The following SYNE1 variants were observed in gnomAD, a reference collection of about 807,000 sequenced individuals.
SYNE1 encodes spectrin repeat containing nuclear envelope protein 1.
A neutral mutation model predicts 1,111.0 loss-of-function variants in SYNE1; 616 were observed. That is an observed-to-expected ratio of 0.55 (90% CI 0.52 to 0.59). The LOEUF (loss-of-function observed/expected upper bound fraction) is 0.59, where lower values mean the gene tolerates loss of function less well. SYNE1 is among the 20% of genes least tolerant of loss of function. The pLI is 0.00. For synonymous variants in SYNE1, 3,855 were observed against 3,825.8 expected, an observed-to-expected ratio of 1.01 and a Z score of -0.28; for missense variants, 10,006 against 10,417.0, an observed-to-expected ratio of 0.96 and a Z score of 1.72.
intron 128 of SYNE1, among the ~76,000 whole-genome samples, chr6:152,183,129 G>A (rs376529811): frequency 1.3e-5 from 2 of 152,286 alleles, no homozygotes; most frequent in East Asian, 3.9e-4. Context: ...TACCCCTCTA[G>A]CTCTGAGAGC....
At chr6:152,253,832 T>TTTTTTTGCAAA (rs2090103871) in intron 104 of SYNE1, among the ~76,000 whole-genome samples, 1 of 61,704 alleles carries the variant, frequency 1.6e-5, no homozygotes, top group Non-Finnish European at 2.8e-5. Flanking sequence ...TTTTTTTTTT[T>TTTTTTTGCAAA]TTTTTTTTTT....
At position 152,465,968 on chromosome 6, in the gene SYNE1, G is replaced by A. The variant is rs76417048; in HGVS notation, c.1729+14C>T. Reference sequence around the variant, plus strand: ...TGCAGTCTACGTTGCAACAAATTCTGTAGTATGTTTTACCTGAACCATCTG... The same window carrying A: ...TGCAGTCTACGTTGCAACAAATTCTATAGTATGTTTTACCTGAACCATCTG... On this transcript the variant is annotated intron_variant, in intron 17 of 145. Transcript: ENST00000367255. 241 of 1,583,214 alleles carry A rather than the reference G, an allele frequency of 1.5e-4. 1 individual carries two copies. The East Asian group carries it at 4.4e-3, about 29-fold the overall frequency.
At chr6:152,390,759 G>C (rs2097600944) in intron 52 of SYNE1, among the ~76,000 whole-genome samples, 1 of 152,278 alleles carries the variant, frequency 6.6e-6, no homozygotes, top group African/African-American at 2.4e-5. Context: ...AGACACATCT[G>C]TCTAAAACCC....
intron 53 of SYNE1, 105 bp downstream of exon 53, chr6:152,390,175 A>T (rs921877361): frequency 8.1e-7 from 1 of 1,231,182 alleles, no homozygotes; most frequent in Non-Finnish European, 1.2e-6. Context: ...TACAAGCTAC[A>T]GTAAAATGCT....
At chr6:152,288,173 C>T (rs2094429621) in intron 95 of SYNE1, among the ~76,000 whole-genome samples, 1 of 151,780 alleles carries the variant, frequency 6.6e-6, no homozygotes, top group Non-Finnish European at 1.5e-5. Context: ...AGAAGAGCCT[C>T]CTAACAATTT....
intron 54 of SYNE1, among the ~76,000 whole-genome samples, chr6:152,386,815 G>A (rs2097533048): frequency 6.6e-6 from 1 of 152,048 alleles, no homozygotes; most frequent in African/African-American, 2.4e-5. Context: ...AGCGGAGAAA[G>A]AGAAAAATAA....
chr6:152,622,176 G>A (rs2128919444), intron 3 of SYNE1, among the ~76,000 whole-genome samples: 1 of 152,228 alleles, frequency 6.6e-6, no homozygotes, highest in African/African-American at 2.4e-5. Flanking sequence ...AACCCAAAGG[G>A]ATTTCAGCCT....
chr6:152,265,592 T>C (rs1416506194), intron 100 of SYNE1, among the ~76,000 whole-genome samples: 1 of 152,224 alleles, frequency 6.6e-6, no homozygotes, highest in Non-Finnish European at 1.5e-5. Flanking sequence ...TAAAAATTTG[T>C]AATAAAACCA....
At chr6:152,340,739 G>A (rs2096517091) in intron 74 of SYNE1, among the ~76,000 whole-genome samples, 1 of 152,206 alleles carries the variant, frequency 6.6e-6, no homozygotes, top group Non-Finnish European at 1.5e-5. Flanking sequence ...AGTGTGATGG[G>A]AAAATATCGG....
At chr6:152,284,578 G>A (rs2094215927) in intron 95 of SYNE1, among the ~76,000 whole-genome samples, 1 of 149,694 alleles carries the variant, frequency 6.7e-6, no homozygotes, top group Non-Finnish European at 1.5e-5. Context: ...CCTGCTTGAA[G>A]CTGGGACTGG....
chr6:152,520,171 G>GT (rs1451044282), intron 6 of SYNE1, among the ~76,000 whole-genome samples: 1 of 152,162 alleles, frequency 6.6e-6, no homozygotes, highest in African/African-American at 2.4e-5. Flanking sequence ...TAATGTCTAT[G>GT]TTTTAGTTAA....
intron 3 of SYNE1, among the ~76,000 whole-genome samples, chr6:152,560,126 G>A (rs1262498077): frequency 6.6e-6 from 1 of 152,184 alleles, no homozygotes; most frequent in Non-Finnish European, 1.5e-5. Flanking sequence ...GCCGAGGTGG[G>A]CAGATCACTT....
chr6:152,262,936 G>C (rs1477273387), intron 100 of SYNE1, among the ~76,000 whole-genome samples: 1 of 151,654 alleles, frequency 6.6e-6, no homozygotes, highest in East Asian at 1.9e-4. Context: ...ACAGGACACG[G>C]GGAGATAGTA....
In SYNE1 at chr6:152,466,055, G is replaced by C; in HGVS notation, c.1656C>G (p.Phe552Leu). 1 of 1,610,658 alleles carries C rather than the reference G, an allele frequency of 6.2e-7. No homozygotes were observed. The highest frequency in any genetic ancestry group is 8.5e-7 in the Non-Finnish European group (1 of 1,177,350). Residue 552 changes from phenylalanine to leucine, a missense_variant, in exon 17 of 146, where the codon TTC becomes TTG. Phe to Leu is a conservative substitution (Grantham distance 22). Transcript: ENST00000367255. ...GGTATGTCACCTCATATTGTTCAAAGAACTTGCTATTTTCTATAAAAGACT... is the reference window on the plus strand; with the variant it reads ...GGTATGTCACCTCATATTGTTCAAACAACTTGCTATTTTCTATAAAAGACT... ...NYVSFIENSKFFEQYEVTYQI... is the reference protein window; with the variant it reads ...NYVSFIENSKLFEQYEVTYQI...
At chr6:152,612,602 C>G (rs750746496) in intron 3 of SYNE1, among the ~76,000 whole-genome samples, 1 of 152,176 alleles carries the variant, frequency 6.6e-6, no homozygotes, top group Non-Finnish European at 1.5e-5. Flanking sequence ...CCTTTTGAAA[C>G]TATTCCAGTC....
intron 3 of SYNE1, among the ~76,000 whole-genome samples, chr6:152,571,716 A>G (rs749264658): frequency 2.6e-4 from 40 of 152,282 alleles, no homozygotes; most frequent in Non-Finnish European, 4.6e-4. Context: ...TTATGGCTGT[A>G]TCTGTATTGG....
Position 152,467,661 on chromosome 6 carries a change from T to A in SYNE1, c.1633-1583A>T, listed in dbSNP as rs1212542923. ...GAGAAAATCTTATTTCCAATTTAAT[T>A]TCTGGTCCACGAGGCAGGAAAGAGG... On this transcript the variant is annotated intron_variant, in intron 16 of 145. Coordinates refer to ENST00000367255, the MANE Select transcript of SYNE1 (RefSeq NM_182961.4). Among the ~76,000 whole-genome samples the A allele has an allele frequency of 2.6e-5, 4 of 152,238 alleles. No individual in the cohort carries two copies. The South Asian group carries it at 6.2e-4, about 24-fold the overall frequency.
intron 130 of SYNE1, 97 bp from the exon 131 acceptor site, chr6:152,164,422 T>TAG: frequency 7.0e-7 from 1 of 1,424,474 alleles, no homozygotes; most frequent in Non-Finnish European, 9.7e-7. Flanking sequence ...ACAATCTTTT[T>TAG]AGGCAGAGTT....
Position 152,136,601 on chromosome 6 carries a change from C to T in SYNE1, c.25659+17G>A. On this transcript the variant is annotated intron_variant, in intron 141 of 145. Transcript: ENST00000367255. Reference sequence around the variant, plus strand: ...ATGTCTCTCTCTGAGTCACCTCCTGCCCAAAGCTCTACAGACCTGGCACTG... The same window carrying T: ...ATGTCTCTCTCTGAGTCACCTCCTGTCCAAAGCTCTACAGACCTGGCACTG... The T allele has an allele frequency of 6.2e-7, 1 of 1,612,486 alleles. No homozygotes were observed. Among genetic ancestry groups the T allele is most frequent in the Non-Finnish European group, 8.5e-7 (1 of 1,180,004 alleles).
Sources: gnomAD v4.1 joint callset for allele counts (sites outside exome capture counted in the v4.1 genomes callset) on GRCh38, gnomAD v4.1.1 for gene constraint, MANE v1.5 for transcripts, NCBI Gene and HGNC (gene_info 2026-07-23, HGNC 2026-07-21) for gene names.